The following ACVR1B variants were observed in gnomAD, a reference collection of about 807,000 sequenced individuals.
The protein encoded by ACVR1B is activin receptor type-1B.
Under a neutral mutation model 55.6 loss-of-function variants are expected in ACVR1B, and 15 were observed. That is an observed-to-expected ratio of 0.27 (90% CI 0.18 to 0.42). The LOEUF (loss-of-function observed/expected upper bound fraction) is 0.42, where lower values mean the gene tolerates loss of function less well. ACVR1B is among the 10% of genes least tolerant of loss of function. The pLI, the probability that ACVR1B is intolerant of heterozygous loss-of-function variation, is 1.00. For synonymous variants in ACVR1B, 247 were observed against 254.6 expected (o/e 0.97, Z 0.28); for missense variants, 359 against 670.1 (o/e 0.54, Z 5.13).
intron 3 of ACVR1B, among the ~76,000 whole-genome samples, chr12:51,980,455 G>C (rs941316138): frequency 6.6e-6 from 1 of 152,202 alleles, no homozygotes; most frequent in Admixed American, 6.5e-5. Flanking sequence ...GAGTTCGCTT[G>C]TGAGCAGAGC....
chr12:51,956,059 A>T (rs768459677), intron 1 of ACVR1B, among the ~76,000 whole-genome samples: 28 of 152,306 alleles, frequency 1.8e-4, no homozygotes, highest in Non-Finnish European at 3.2e-4. Context: ...CAAAAATATG[A>T]TTTCAGAGAG....
At chr12:51,980,920 AT>A in intron 3 of ACVR1B, 48 bp from the exon 4 acceptor site, 1 of 1,524,384 alleles carries the variant, frequency 6.6e-7, no homozygotes, top group Non-Finnish European at 8.9e-7. Context: ...GAGTTGGAAA[AT>A]TTGTCAAATT....
At chr12:51,953,553 A>G (rs1006720345) in intron 1 of ACVR1B, 5 of 982,242 alleles carry the variant, frequency 5.1e-6, no homozygotes, top group South Asian at 4.7e-5. Flanking sequence ...ATTAAGGGCC[A>G]TGTTTTTGGA....
chr12:51,992,136 C>T, intron 8 of ACVR1B, 143 bp downstream of exon 8: 5 of 1,107,652 alleles, frequency 4.5e-6, no homozygotes, highest in Non-Finnish European at 6.5e-6. Flanking sequence ...TTTTACATAT[C>T]CCAAGCCCTT....
chr12:51,992,331 C>T (rs936802379), intron 8 of ACVR1B: 1 of 391,512 alleles, frequency 2.6e-6, no homozygotes, highest in Non-Finnish European at 4.6e-6. Flanking sequence ...GTGGGGAGAC[C>T]CCATCTCTAC....
chr12:51,987,058 T>C (rs55809683), intron 7 of ACVR1B, 116 bp downstream of exon 7: 4 of 1,404,370 alleles, frequency 2.8e-6, no homozygotes, highest in East Asian at 2.3e-5. Context: ...TGCCAGAGCC[T>C]GAATCATCGT....
chr12:51,980,455 G>A (rs941316138), intron 3 of ACVR1B, among the ~76,000 whole-genome samples: 1 of 152,202 alleles, frequency 6.6e-6, no homozygotes, highest in African/African-American at 2.4e-5. Flanking sequence ...GAGTTCGCTT[G>A]TGAGCAGAGC....
chr12:51,976,289 C>G lies in ACVR1B; in HGVS notation c.332-38C>G, dbSNP rs775007879. The G allele has an allele frequency of 1.9e-6, 3 of 1,611,068 alleles. No homozygotes were observed. In the South Asian group the frequency reaches 3.3e-5, roughly 18 times the overall value. ...GTTTTTACTCTTTCCCTTGTTTTTACTTCTCATTCTTTCCCTCTCCTCTCT... is the reference window on the plus strand; with the variant it reads ...GTTTTTACTCTTTCCCTTGTTTTTAGTTCTCATTCTTTCCCTCTCCTCTCT... On this transcript the variant is annotated intron_variant, in intron 2 of 8. Coordinates refer to ENST00000257963, the MANE Select transcript of ACVR1B (RefSeq NM_004302.5).
chr12:51,986,774 GTCA>G (rs751835818), intron 6 of ACVR1B, 41 bp from the exon 7 acceptor site: 1 of 1,578,030 alleles, frequency 6.3e-7, no homozygotes, highest in Non-Finnish European at 8.6e-7. Flanking sequence ...AAAGAGAGCA[GTCA>G]TCATTTTCTG....
intron 1 of ACVR1B, chr12:51,953,408 T>A: frequency 1.0e-6 from 1 of 985,446 alleles, no homozygotes; most frequent in Non-Finnish European, 1.2e-6. Context: ...CTCGTGTGTG[T>A]TCTTCGGCCT....
At chr12:51,975,560 C>G (rs562403700) in intron 2 of ACVR1B, 56 bp downstream of exon 2, 2 of 1,576,158 alleles carry the variant, frequency 1.3e-6, no homozygotes, top group Non-Finnish European at 1.7e-6. Context: ...GGTACCCCGT[C>G]ATTTCATTTT....
chr12:51,963,090 T>C (rs1344953899), intron 1 of ACVR1B, among the ~76,000 whole-genome samples: 2 of 152,172 alleles, frequency 1.3e-5, no homozygotes, highest in Admixed American at 1.3e-4. Context: ...GTTTGGCAAA[T>C]AGGGATTTAT....
chr12:51,981,335 A>G (rs1941973538), intron 4 of ACVR1B, 136 bp downstream of exon 4: 3 of 695,012 alleles, frequency 4.3e-6, no homozygotes, highest in South Asian at 4.2e-5. Context: ...CAAGGTTTCC[A>G]TGCTTTCCTT....
chr12:51,969,087 C>T (rs1941695759), intron 1 of ACVR1B, among the ~76,000 whole-genome samples: 1 of 152,098 alleles, frequency 6.6e-6, no homozygotes, highest in African/African-American at 2.4e-5. Flanking sequence ...TGATTCCAGC[C>T]CCAGCCTTGG....
rs10540557 is a variant in ACVR1B, at chr12:51,951,713, TGCG to T, written c.-11_-9del. ...GCGCGCGCGCTGGGCGCTGCTGGGCTGCGGCGGCGGCGGCGGCGGCGGTGGTTA... is the reference window on the plus strand; with the variant it reads ...GCGCGCGCGCTGGGCGCTGCTGGGCTGCGGCGGCGGCGGCGGCGGTGGTTA... On this transcript the variant is annotated 5_prime_UTR_variant, in exon 1 of 9. Coordinates refer to ENST00000257963, the MANE Select transcript of ACVR1B (RefSeq NM_004302.5). 979,523 of 1,115,990 alleles carry T rather than the reference TGCG, an allele frequency of 0.88. 428,785 individuals carry two copies. The highest frequency in any genetic ancestry group is 0.94 in the East Asian group (23,555 of 25,118). 69.1% of individuals were successfully genotyped at this position (1,115,990 alleles called of 1,614,324 possible).
chr12:51,993,895 G>A, intron 8 of ACVR1B, 90 bp from the exon 9 acceptor site: 2 of 1,549,258 alleles, frequency 1.3e-6, no homozygotes, highest in Admixed American at 1.8e-5. Context: ...GCACTGAGCG[G>A]GAGGTGGCAG....
intron 1 of ACVR1B, among the ~76,000 whole-genome samples, chr12:51,972,970 C>A (rs1941774133): frequency 6.6e-6 from 1 of 152,120 alleles, no homozygotes; most frequent in Non-Finnish European, 1.5e-5. Flanking sequence ...TATCACAAAC[C>A]CACACGGCCC....
intron 1 of ACVR1B, among the ~76,000 whole-genome samples, chr12:51,952,783 T>C (rs1941328814): frequency 6.6e-6 from 1 of 152,106 alleles, no homozygotes; most frequent in Non-Finnish European, 1.5e-5. Flanking sequence ...TCAGTACTTA[T>C]TTACCTTCCT....
chr12:51,991,860 C>G lies in ACVR1B; in HGVS notation c.1262-3C>G. ...CTCAGGTAGATACTTTCTTTTCTCCCAGGAGTCCATGAAGAATATCAGCTG... is the reference window on the plus strand; with the variant it reads ...CTCAGGTAGATACTTTCTTTTCTCCGAGGAGTCCATGAAGAATATCAGCTG... On this transcript the variant is annotated splice_region_variant and splice_polypyrimidine_tract_variant and intron_variant, in intron 7 of 8. Transcript: ENST00000257963. 1.9e-6 allele frequency: 3 copies of G among 1,612,290 alleles called. No individual in the cohort carries two copies. The highest frequency in any genetic ancestry group is 2.2e-5 in the East Asian group (1 of 44,856).
Sources: allele counts gnomAD v4.1 joint callset (sites outside exome capture counted in the v4.1 genomes callset), GRCh38; gene constraint gnomAD v4.1.1; transcripts MANE v1.5; gene names NCBI Gene and HGNC (gene_info 2026-07-23, HGNC 2026-07-21).